Variants in ABI3BP observed in about 807,000 individuals in gnomAD.
The protein encoded by ABI3BP is ABI family member 3 binding protein, also known as target of Nesh-SH3.
In ABI3BP, 216 loss-of-function variants were observed where a neutral mutation model predicts 268.6. The ratio of observed to expected loss-of-function variants is 0.80; its 90% CI spans 0.72 to 0.90. The LOEUF (loss-of-function observed/expected upper bound fraction) is 0.90, where lower values mean the gene tolerates loss of function less well. ABI3BP is among the 40% of genes least tolerant of loss of function. The probability of loss-of-function intolerance (pLI) is 0.00; values close to 1 mark genes in which losing one functional copy is unlikely to be tolerated. For synonymous variants in ABI3BP, 730 were observed against 730.0 expected, an observed-to-expected ratio of 1.00 and a Z score of 0.00; for missense variants, 2,090 against 2,182.4, an observed-to-expected ratio of 0.96 and a Z score of 0.84.
intron 1 of ABI3BP, among the ~76,000 whole-genome samples, chr3:100,961,014 G>A (rs889880881): frequency 6.6e-5 from 10 of 152,180 alleles, no homozygotes. Context: ...ATAAATTTGT[G>A]TTGTTTTAAA....
At chr3:100,890,398 C>T (rs541403835) in intron 4 of ABI3BP, among the ~76,000 whole-genome samples, 64 of 152,156 alleles carry the variant, frequency 4.2e-4, no homozygotes, top group South Asian at 1.7e-3. Context: ...CTCTCTTTGT[C>T]CCACTCTGAT....
rs2099014700 is a variant in ABI3BP, at chr3:100,863,039, AT to A, written c.1139-131del. ...ATCATGTTAAGAGACCATTAGTAGTATTTCTTACATCTATGTTTCAATGTTG... is the reference window on the plus strand; with the variant it reads ...ATCATGTTAAGAGACCATTAGTAGTATTCTTACATCTATGTTTCAATGTTG... On this transcript the variant is annotated intron_variant, in intron 12 of 67. Coordinates refer to ENST00000471714, the MANE Select transcript of ABI3BP (RefSeq NM_001375547.2). 8.0e-6 allele frequency: 5 copies of A among 625,418 alleles called. No homozygotes were observed. The South Asian group carries it at 8.2e-5, about 10-fold the overall frequency. 38.7% of individuals were successfully genotyped at this position (625,418 alleles called of 1,614,324 possible).
At chr3:100,838,762 T>C (rs2098646118) in intron 24 of ABI3BP, among the ~76,000 whole-genome samples, 1 of 152,232 alleles carries the variant, frequency 6.6e-6, no homozygotes, top group African/African-American at 2.4e-5. Context: ...ATATTAGTTC[T>C]ATGTCTTTGA....
rs1342967812 is a variant in ABI3BP, at chr3:100,834,715, C to T, written c.2250G>A (p.Thr750=). 15 of 1,535,476 alleles carry T rather than the reference C, an allele frequency of 9.8e-6. No homozygotes were observed. Among genetic ancestry groups the T allele is most frequent in the Admixed American group, 3.9e-5 (2 of 50,942 alleles). ...TRRPRPKHKT[T]PRPETLQTKL... ...TGGTCTGCAGTGTCTCTGGGCGTGGCGTGGTTTTATGTTTGGGACGTGGAC... is the reference window on the plus strand; with the variant it reads ...TGGTCTGCAGTGTCTCTGGGCGTGGTGTGGTTTTATGTTTGGGACGTGGAC... Residue 750 remains threonine (T), a synonymous_variant, in exon 29 of 68, where the codon ACG becomes ACA. Transcript: ENST00000471714.
intron 4 of ABI3BP, among the ~76,000 whole-genome samples, chr3:100,888,845 G>T (rs1054293780): frequency 7.1e-6 from 1 of 141,472 alleles, no homozygotes; most frequent in African/African-American, 2.7e-5. Flanking sequence ...AGAGAGATTA[G>T]GCCACTTAAC....
intron 2 of ABI3BP, among the ~76,000 whole-genome samples, chr3:100,917,226 G>A (rs569385102): frequency 6.6e-6 from 1 of 152,228 alleles, no homozygotes; most frequent in Non-Finnish European, 1.5e-5. Flanking sequence ...CTATTTTGCT[G>A]GTGAGACATG....
At chr3:100,869,330 G>GTTTTTTGTTTTTTTTTTTTTTTT (rs2099085664) in intron 9 of ABI3BP, among the ~76,000 whole-genome samples, 1 of 49,754 alleles carries the variant, frequency 2.0e-5, no homozygotes, top group Non-Finnish European at 3.4e-5. Context: ...CTTCTTTTTG[G>GTTTTTTGTTTTTTTTTTTTTTTT]TTTTTTTTTT....
chr3:100,766,756 G>A (rs1174791890), intron 62 of ABI3BP, among the ~76,000 whole-genome samples: 1 of 152,120 alleles, frequency 6.6e-6, no homozygotes, highest in East Asian at 1.9e-4. Context: ...TGCATGTGAT[G>A]AGATGATACA....
chr3:100,849,090 A>G (rs957528979), intron 17 of ABI3BP, among the ~76,000 whole-genome samples: 2 of 150,270 alleles, frequency 1.3e-5, no homozygotes, highest in African/African-American at 4.9e-5. Flanking sequence ...AGAATTGAAG[A>G]TATACATTGT....
rs140197958 is a variant in ABI3BP at position 100,947,985 on chromosome 3, G to A, written c.80-21504C>T. Among the ~76,000 whole-genome samples, 642 of 152,240 alleles carry A rather than the reference G, an allele frequency of 4.2e-3. 3 individuals carry two copies. Among genetic ancestry groups the A allele is most frequent in the African/African-American group, 0.014 (595 of 41,542 alleles). On this transcript the variant is annotated intron_variant, in intron 1 of 67. Transcript: ENST00000471714. Reference sequence around the variant, plus strand: ...GCCAACGTTTAAGTGTGCATATTGGGTGAAGAGGGAGGGCAGGAACAGCAT... The same window carrying A: ...GCCAACGTTTAAGTGTGCATATTGGATGAAGAGGGAGGGCAGGAACAGCAT...
At chr3:100,818,268 T>C (rs1264221461) in intron 41 of ABI3BP, among the ~76,000 whole-genome samples, 1 of 152,218 alleles carries the variant, frequency 6.6e-6, no homozygotes, top group East Asian at 1.9e-4. Flanking sequence ...TGGTCAATGC[T>C]CTTTAAACGA....
intron 44 of ABI3BP, among the ~76,000 whole-genome samples, chr3:100,815,464 G>A (rs1041443282): frequency 2.6e-5 from 4 of 152,014 alleles, no homozygotes; most frequent in Non-Finnish European, 5.9e-5. Context: ...GGAACTTTCA[G>A]GGAAATCTAT....
chr3:100,749,552 A>G lies in ABI3BP; in HGVS notation c.*943T>C, dbSNP rs1188027282. ...TTAGTTAGTTAGATTTTTATTACAGATTGAATTAAACAGTTACAAAGACAT... is the reference window on the plus strand; with the variant it reads ...TTAGTTAGTTAGATTTTTATTACAGGTTGAATTAAACAGTTACAAAGACAT... On this transcript the variant is annotated 3_prime_UTR_variant, in exon 68 of 68. Transcript: ENST00000471714. 2 of 358,620 alleles carry G rather than the reference A, an allele frequency of 5.6e-6. No homozygotes were observed. The highest frequency in any genetic ancestry group is 9.8e-6 in the Non-Finnish European group (2 of 203,704). The allele number at this position is 358,620 out of a possible 1,614,324, so 22.2% of individuals were successfully genotyped here.
intron 1 of ABI3BP, among the ~76,000 whole-genome samples, chr3:100,940,382 C>T (rs949415945): frequency 1.2e-4 from 19 of 152,002 alleles, no homozygotes; most frequent in African/African-American, 3.1e-4. Context: ...TCACAATCCA[C>T]GTTCTTCTGC....
At chr3:100,825,047 G>C in intron 35 of ABI3BP, 106 bp from the exon 36 acceptor site, 2 of 897,310 alleles carry the variant, frequency 2.2e-6, no homozygotes, top group Non-Finnish European at 3.3e-6. Context: ...AGAAACTTTA[G>C]TTGTTTTTAG....
intron 12 of ABI3BP, 36 bp downstream of exon 12, chr3:100,863,966 G>T (rs1340446171): frequency 7.3e-7 from 1 of 1,369,720 alleles, no homozygotes; most frequent in East Asian, 2.5e-5. Flanking sequence ...CAATATCCAA[G>T]GTAATAATAA....
intron 2 of ABI3BP, among the ~76,000 whole-genome samples, chr3:100,921,311 G>A (rs1365413041): frequency 6.6e-6 from 1 of 152,150 alleles, no homozygotes; most frequent in Admixed American, 6.5e-5. Flanking sequence ...ACATAACTGT[G>A]GCTGTAGGTC....
At chr3:100,987,547 T>C (rs937229085) in intron 1 of ABI3BP, among the ~76,000 whole-genome samples, 1 of 152,182 alleles carries the variant, frequency 6.6e-6, no homozygotes, top group Non-Finnish European at 1.5e-5. Flanking sequence ...ATTTGGTCAG[T>C]TTTTACCTTT....
Position 100,821,072 on chromosome 3 carries a change from T to G in ABI3BP, c.2929A>C (p.Thr977Pro). Reference protein sequence around the residue: ...ELKPVTLRTETWVTTQAPKTS... With the variant: ...ELKPVTLRTEPWVTTQAPKTS... ...CTATTACCTTGTGTTGTCACCCAAG[T>G]CTCAGTTCTGAGTGTAACAGGTTTG... is the stretch of plus-strand genomic sequence containing the variant. The change falls in exon 39 of 68, where the codon ACT (threonine) becomes CCT (proline). Residue 977 changes from threonine to proline, a missense_variant. Physicochemically the swap from Thr to Pro is conservative, Grantham distance 38. Transcript: ENST00000471714. The G allele has an allele frequency of 6.5e-7, 1 of 1,535,940 alleles. No homozygotes were observed. Among genetic ancestry groups the G allele is most frequent in the Non-Finnish European group, 8.7e-7 (1 of 1,146,770 alleles).
Sources: gnomAD v4.1 joint callset for allele counts (sites outside exome capture counted in the v4.1 genomes callset) on GRCh38, gnomAD v4.1.1 for gene constraint, MANE v1.5 for transcripts, NCBI Gene and HGNC (gene_info 2026-07-23, HGNC 2026-07-21) for gene names.